The following FRMPD4 variants were observed in gnomAD, a reference collection of about 807,000 sequenced individuals.
FRMPD4 encodes the protein FERM and PDZ domain-containing protein 4.
Under a neutral mutation model 94.1 loss-of-function variants are expected in FRMPD4, and 22 were observed. The observed-to-expected ratio is 0.23, with a 90% CI of 0.17 to 0.33. The LOEUF (loss-of-function observed/expected upper bound fraction) is 0.33, where lower values mean the gene tolerates loss of function less well. FRMPD4 is among the 10% of genes least tolerant of loss of function. FRMPD4 has a pLI of 1.00. For missense variants in FRMPD4, 1,111 were observed against 1,339.9 expected, an observed-to-expected ratio of 0.83 and a Z score of 2.67; for synonymous variants, 631 against 548.6, an observed-to-expected ratio of 1.15 and a Z score of -2.10.
chrX:12,236,777 G>A (rs142444461), intron 1 of FRMPD4, among the ~76,000 whole-genome samples: 304 of 112,130 alleles, frequency 2.7e-3, no homozygotes, highest in African/African-American at 8.5e-3. Flanking sequence ...GCAGTTCCTA[G>A]CATATTGCAG....
intron 1 of FRMPD4, among the ~76,000 whole-genome samples, chrX:11,827,068 A>ATATAT (rs1446862374): frequency 8.2e-5 from 8 of 97,536 alleles, no homozygotes; most frequent in East Asian, 3.1e-4. Context: ...GAAATTATAT[A>ATATAT]TATATATATA....
chrX:12,451,073 A>G (rs2057264130), intron 1 of FRMPD4, among the ~76,000 whole-genome samples: 1 of 110,588 alleles, frequency 9.0e-6, no homozygotes, highest in Non-Finnish European at 1.9e-5. Context: ...CCAGCCTTAA[A>G]TGTGGCAAGC....
intron 1 of FRMPD4, among the ~76,000 whole-genome samples, chrX:12,339,903 C>T: frequency 8.9e-6 from 1 of 112,714 alleles, no homozygotes; most frequent in Admixed American, 9.3e-5. Context: ...GCGTAAGCCA[C>T]TGCACCTGGC....
At chrX:12,508,279 CTT>C (rs62716660) in intron 2 of FRMPD4, among the ~76,000 whole-genome samples, 4,418 of 103,223 alleles carry the variant, frequency 0.043, 218 homozygotes, top group African/African-American at 0.14. Flanking sequence ...TCAGGTGGTT[CTT>C]TTTTTTTTTT....
intron 3 of FRMPD4, among the ~76,000 whole-genome samples, chrX:12,052,426 G>A (rs1465969915): frequency 1.8e-5 from 2 of 112,256 alleles, no homozygotes; most frequent in Admixed American, 1.9e-4. Flanking sequence ...AAGGGAGTAG[G>A]GAAGAGAGGG....
chrX:12,231,030 G>GTATGTATATATATATATATATATATA (rs1555938221), intron 1 of FRMPD4, among the ~76,000 whole-genome samples: 5 of 26,363 alleles, frequency 1.9e-4, no homozygotes, highest in Admixed American at 5.2e-4. Flanking sequence ...TATATATATA[G>GTATGTATATATATATATATATATATA]TATATATATA....
At chrX:12,090,800 G>A (rs191483988) in intron 3 of FRMPD4, among the ~76,000 whole-genome samples, 8 of 112,097 alleles carry the variant, frequency 7.1e-5, no homozygotes, top group Non-Finnish European at 9.4e-5. Flanking sequence ...ATTTTTGATC[G>A]GATACTTTAA....
At chrX:11,947,585 C>T (rs2054195700) in intron 3 of FRMPD4, among the ~76,000 whole-genome samples, 1 of 111,964 alleles carries the variant, frequency 8.9e-6, no homozygotes, top group East Asian at 2.8e-4. Context: ...TCTATTCCAG[C>T]TACTTCACAA....
chrX:12,004,464 C>T (rs1056814293), intron 3 of FRMPD4, among the ~76,000 whole-genome samples: 73 of 111,729 alleles, frequency 6.5e-4, no homozygotes, highest in Admixed American at 2.4e-3. Context: ...TGTTCACCAC[C>T]AAGCCTGGCC....
intron 4 of FRMPD4, among the ~76,000 whole-genome samples, chrX:12,659,642 C>G (rs1283613611): frequency 1.8e-5 from 2 of 112,548 alleles, no homozygotes; most frequent in African/African-American, 6.5e-5. Context: ...CTGATATATC[C>G]CAAATGCCTG....
intron 1 of FRMPD4, among the ~76,000 whole-genome samples, chrX:12,269,356 A>AT (rs1462053566): frequency 4.5e-5 from 5 of 110,438 alleles, no homozygotes; most frequent in South Asian, 3.9e-4. Context: ...ATAAAATAAA[A>AT]AAAAAAATCT....
At chrX:12,206,762 C>T (rs969975617) in intron 1 of FRMPD4, among the ~76,000 whole-genome samples, 4 of 111,492 alleles carry the variant, frequency 3.6e-5, no homozygotes, top group African/African-American at 1.3e-4. Context: ...AAATGTTGAC[C>T]CTGGGTGCAT....
intron 3 of FRMPD4, chrX:12,054,695 A>G: frequency 8.9e-6 from 1 of 112,276 alleles, no homozygotes; most frequent in Middle Eastern, 4.6e-3. Context: ...AAGTTTAACT[A>G]ACTCTGGCAA....
intron 1 of FRMPD4, among the ~76,000 whole-genome samples, chrX:11,830,479 G>A (rs1054191765): frequency 6.3e-5 from 7 of 111,148 alleles, no homozygotes; most frequent in African/African-American, 2.3e-4. Context: ...TGAAAACATA[G>A]TGCCATATTT....
chrX:11,870,822 A>G (rs1569115261), intron 2 of FRMPD4, among the ~76,000 whole-genome samples: 1 of 112,568 alleles, frequency 8.9e-6, no homozygotes, highest in Non-Finnish European at 1.9e-5. Context: ...GCCATAATGT[A>G]CTAGTGTGTG....
intron 3 of FRMPD4, among the ~76,000 whole-genome samples, chrX:12,071,776 A>G (rs984396958): frequency 9.0e-6 from 1 of 110,525 alleles, no homozygotes; most frequent in African/African-American, 3.3e-5. Context: ...GGTGGTGAAA[A>G]CTTTCCCTGT....
intron 2 of FRMPD4, among the ~76,000 whole-genome samples, chrX:12,537,453 TC>T (rs773628129): frequency 0.023 from 2,273 of 100,791 alleles, 92 homozygotes; most frequent in African/African-American, 0.076. Flanking sequence ...ATTTTTTTTT[TC>T]CTTTTTTTTT....
chrX:12,293,669 G>T (rs778671986), intron 1 of FRMPD4, among the ~76,000 whole-genome samples: 1 of 112,439 alleles, frequency 8.9e-6, no homozygotes, highest in African/African-American at 3.2e-5. Flanking sequence ...TCATATAGCA[G>T]TGCTTTTTAA....
At chrX:12,499,582 A>G (rs761777593) in intron 2 of FRMPD4, among the ~76,000 whole-genome samples, 31 of 112,391 alleles carry the variant, frequency 2.8e-4, no homozygotes, top group African/African-American at 9.0e-4. Flanking sequence ...CCATAAGTTT[A>G]TCTGCTCTAG....
Sources: allele counts gnomAD v4.1 joint callset (sites outside exome capture counted in the v4.1 genomes callset), GRCh38; gene constraint gnomAD v4.1.1; transcripts MANE v1.5; gene names NCBI Gene and HGNC (gene_info 2026-07-23, HGNC 2026-07-21).